The following DPH6 variants were observed in gnomAD, a reference collection of about 807,000 sequenced individuals.
DPH6 encodes diphthine--ammonia ligase.
In DPH6, 33 loss-of-function variants were observed where a neutral mutation model predicts 38.2. That is an observed-to-expected ratio of 0.86 (90% CI 0.65 to 1.15). The LOEUF (loss-of-function observed/expected upper bound fraction) is 1.15. Among genes scored for constraint, DPH6 ranks in the 50% most tolerant of loss-of-function variants. The probability of loss-of-function intolerance (pLI) is 0.00; values close to 1 mark genes in which losing one functional copy is unlikely to be tolerated. For missense variants in DPH6, 325 were observed against 320.0 expected (o/e 1.02, Z -0.12); for synonymous variants, 108 against 103.0 (o/e 1.05, Z -0.30).
At chr15:35,283,106 C>G (rs1853985279) in intron 3 of DPH6, 1 of 147,198 alleles carries the variant, frequency 6.8e-6, no homozygotes, top group Admixed American at 6.7e-5. Flanking sequence ...CTTCTTCTCC[C>G]TTCTTCTTCT....
At chr15:35,367,751 C>G (rs2052673254), downstream of DPH6, among the ~76,000 whole-genome samples, 1 of 151,570 alleles carries the variant, frequency 6.6e-6, no homozygotes, top group South Asian at 2.1e-4. Flanking sequence ...TAAGGGTCAT[C>G]ATATGTAAAG....
chr15:35,295,962 C>T (rs923136711), intron 3 of DPH6, among the ~76,000 whole-genome samples: 1 of 150,918 alleles, frequency 6.6e-6, no homozygotes, highest in Admixed American at 6.6e-5. Flanking sequence ...CGCTCTATCT[C>T]AAAAATAAAG....
the DPH6 span, among the ~76,000 whole-genome samples, chr15:35,210,739 T>C: frequency 6.6e-6 from 1 of 152,086 alleles, no homozygotes. Flanking sequence ...TGAGGAACAT[T>C]TAAAATAGGA....
At chr15:35,305,022 G>A (rs1251764083) in intron 3 of DPH6, among the ~76,000 whole-genome samples, 3 of 152,040 alleles carry the variant, frequency 2.0e-5, no homozygotes, top group African/African-American at 4.8e-5. Flanking sequence ...ATGACAGCAA[G>A]GGAGATCTCC....
At chr15:35,369,938 T>G (rs376635949), downstream of DPH6, among the ~76,000 whole-genome samples, 2 of 151,704 alleles carry the variant, frequency 1.3e-5, no homozygotes, top group African/African-American at 2.4e-5. Context: ...AAGAAAAAAG[T>G]TGGAAGACAA....
chr15:35,431,090 G>A lies in DPH6; in HGVS notation c.505+19595C>T, dbSNP rs184294118. ...TTTAAAGGTGGAGAAAAGAAAGAGA[G>A]GTAACTGAATTTATGTTGCAGCACA... is the stretch of plus-strand genomic sequence containing the variant. On this transcript the variant is annotated intron_variant, in intron 5 of 8. Transcript: ENST00000256538. Among the ~76,000 whole-genome samples, 291 of 152,220 alleles carry A rather than the reference G, an allele frequency of 1.9e-3. 4 individuals carry two copies. Among genetic ancestry groups the A allele is most frequent in the African/African-American group, 6.6e-3 (274 of 41,530 alleles).
At chr15:35,264,211 T>C (rs758806970) in intron 3 of DPH6, among the ~76,000 whole-genome samples, 1 of 152,164 alleles carries the variant, frequency 6.6e-6, no homozygotes, top group Non-Finnish European at 1.5e-5. Flanking sequence ...CTTGGATGCT[T>C]TATTAAAACA....
chr15:35,497,294 T>G (rs897978455), intron 3 of DPH6, among the ~76,000 whole-genome samples: 1 of 152,218 alleles, frequency 6.6e-6, no homozygotes, highest in African/African-American at 2.4e-5. Flanking sequence ...TAAATTAATA[T>G]GAGAAATGGG....
intron 6 of DPH6, among the ~76,000 whole-genome samples, chr15:35,407,441 A>C (rs1166041363): frequency 2.0e-5 from 3 of 151,982 alleles, no homozygotes; most frequent in Non-Finnish European, 2.9e-5. Flanking sequence ...GAGATGAATG[A>C]ATAGATGGAG....
Position 35,242,535 on chromosome 15 carries a change from C to A in DPH6, n.201-21953G>T, listed in dbSNP as rs574751775. On this transcript the variant is annotated intron_variant and non_coding_transcript_variant, in intron 3 of 3. Transcript: ENST00000560386. The stretch of plus-strand genomic sequence containing the variant: ...TAATTCCTCAGTTTAGCCTTCCCAC[C>A]TCTATACAGTCTGATAACAGACCAG... Among the ~76,000 whole-genome samples, 8 of 143,562 alleles carry A rather than the reference C, an allele frequency of 5.6e-5. 1 individual carries two copies. The highest frequency in any genetic ancestry group is 2.0e-4 in the African/African-American group (8 of 39,712). 94.2% of individuals were successfully genotyped at this position (143,562 alleles called of 152,430 possible). A position where few individuals can be genotyped will look rare whatever the true frequency, so the allele number is the denominator to read the frequency against.
At chr15:35,298,639 G>A in intron 3 of DPH6, 1 of 1,076,158 alleles carries the variant, frequency 9.3e-7, no homozygotes, top group East Asian at 2.4e-5. Flanking sequence ...CACCAAGCTT[G>A]CTGGTCTTCT....
intron 3 of DPH6, among the ~76,000 whole-genome samples, chr15:35,255,720 T>C (rs1213308123): frequency 6.6e-6 from 1 of 152,178 alleles, no homozygotes; most frequent in African/African-American, 2.4e-5. Flanking sequence ...TCTTGAAATT[T>C]TTTTTGACTT....
chr15:35,450,944 T>C, intron 4 of DPH6, 141 bp from the exon 5 acceptor site: 1 of 625,258 alleles, frequency 1.6e-6, no homozygotes, highest in Non-Finnish European at 2.7e-6. Context: ...ATATTTTGCA[T>C]AATGTTTATA....
At chr15:35,178,113 T>C in the DPH6 span, among the ~76,000 whole-genome samples, 1 of 152,224 alleles carries the variant, frequency 6.6e-6, no homozygotes, top group South Asian at 2.1e-4. Context: ...TTTAAAATAA[T>C]ATTTTTGTTA....
In DPH6 at chr15:35,396,732, T is replaced by G. The variant is rs1595528869; in HGVS notation, c.567+14103A>C. 2.0e-5 allele frequency among the ~76,000 whole-genome samples: 3 copies of G among 152,334 alleles called. No homozygotes were observed. The East Asian group carries it at 5.8e-4, about 29-fold the overall frequency. On this transcript the variant is annotated intron_variant, in intron 6 of 8. Coordinates refer to ENST00000256538, the MANE Select transcript of DPH6 (RefSeq NM_080650.4). ...TCAATCATAAAGTTATACAAAGTTCTATATATCCTTCAAACTTTGTTATGT... is the reference window on the plus strand; with the variant it reads ...TCAATCATAAAGTTATACAAAGTTCGATATATCCTTCAAACTTTGTTATGT...
At chr15:35,465,117 T>C (rs2054111999) in intron 3 of DPH6, among the ~76,000 whole-genome samples, 1 of 152,208 alleles carries the variant, frequency 6.6e-6, no homozygotes, top group Non-Finnish European at 1.5e-5. Context: ...TCCTTTCTTA[T>C]AAATGAAAAC....
intron 3 of DPH6, chr15:35,521,992 C>T: frequency 3.4e-6 from 5 of 1,479,540 alleles, no homozygotes; most frequent in East Asian, 4.8e-5. Flanking sequence ...CCGTCAACTA[C>T]CAGCAAGCAG....
the DPH6 span, among the ~76,000 whole-genome samples, chr15:35,179,223 A>AG: frequency 6.6e-6 from 1 of 151,318 alleles, no homozygotes; most frequent in African/African-American, 2.4e-5. Flanking sequence ...AAAAAAAAAA[A>AG]AAAAGAAAAA....
At chr15:35,192,021 C>T in the DPH6 span, among the ~76,000 whole-genome samples, 1 of 152,154 alleles carries the variant, frequency 6.6e-6, no homozygotes, top group African/African-American at 2.4e-5. Flanking sequence ...GCTTTCTGTG[C>T]AGCAAGCAAC....
Sources: allele counts gnomAD v4.1 joint callset (sites outside exome capture counted in the v4.1 genomes callset), GRCh38; gene constraint gnomAD v4.1.1; transcripts MANE v1.5; gene names NCBI Gene and HGNC (gene_info 2026-07-23, HGNC 2026-07-21).